The following GRIN2B variants were observed in gnomAD, a reference collection of about 807,000 sequenced individuals.
The protein encoded by GRIN2B is glutamate receptor ionotropic, NMDA 2B.
In GRIN2B, 5 loss-of-function variants were observed where a neutral mutation model predicts 114.5. The ratio of observed to expected loss-of-function variants is 0.04; its 90% CI spans 0.02 to 0.09. The LOEUF (loss-of-function observed/expected upper bound fraction) is 0.09. Ranked by LOEUF, GRIN2B falls within the 10% of genes least tolerant of loss-of-function variation. GRIN2B has a pLI of 1.00. For synonymous variants in GRIN2B, 787 were observed against 745.1 expected, an observed-to-expected ratio of 1.06 and a Z score of -0.92; for missense variants, 1,108 against 1,943.5, an observed-to-expected ratio of 0.57 and a Z score of 8.08.
rs550033150 is a variant in GRIN2B at position 13,694,680 on chromosome 12, T to C, written c.1011-18821A>G. Among the ~76,000 whole-genome samples the C allele has an allele frequency of 7.0e-4, 73 of 103,846 alleles. 3 individuals are homozygous for C. Among genetic ancestry groups the C allele is most frequent in the Admixed American group, 2.7e-3 (29 of 10,920 alleles). The allele number at this position is 103,846 out of a possible 152,430, so 68.1% of individuals were successfully genotyped here. A position where few individuals can be genotyped will look rare whatever the true frequency, so the allele number is the denominator to read the frequency against. ...TCATATATATATATATATATATATA[T>C]ATATATATATATATATATATATAAA... On this transcript the variant is annotated intron_variant, in intron 4 of 13. Transcript: ENST00000609686.
chr12:13,600,611 C>G (rs962716080), intron 10 of GRIN2B, among the ~76,000 whole-genome samples: 2 of 152,072 alleles, frequency 1.3e-5, no homozygotes, highest in Non-Finnish European at 2.9e-5. Context: ...GCCTGATGAT[C>G]AAATAAAGTA....
At position 13,549,343 on chromosome 12, in the gene GRIN2B, A is replaced by T. The variant is rs982220413; in HGVS notation, c.*13440T>A. 1 of 152,162 alleles carries T rather than the reference A, an allele frequency of 6.6e-6. No homozygotes were observed. The highest frequency in any genetic ancestry group is 1.5e-5 in the Non-Finnish European group (1 of 68,028). 9.4% of individuals were successfully genotyped at this position (152,162 alleles called of 1,614,324 possible). ...TTCTTCAGGATTTTGGCAGGCAGTA[A>T]TTATTTATTATCGGTCTGGGGGCTA... On this transcript the variant is annotated 3_prime_UTR_variant, in exon 14 of 14. Coordinates refer to ENST00000609686, the MANE Select transcript of GRIN2B (RefSeq NM_000834.5).
chr12:13,833,621 C>T (rs1367224642), intron 3 of GRIN2B, among the ~76,000 whole-genome samples: 1 of 152,182 alleles, frequency 6.6e-6, no homozygotes, highest in Non-Finnish European at 1.5e-5. Context: ...CATCATGTTG[C>T]CACCTGATAG....
intron 2 of GRIN2B, among the ~76,000 whole-genome samples, chr12:13,879,756 C>T (rs1866043436): frequency 6.6e-6 from 1 of 152,242 alleles, no homozygotes; most frequent in Non-Finnish European, 1.5e-5. Context: ...CCTCCTTGTC[C>T]ATGCCCCACT....
At position 13,555,533 on chromosome 12, in the gene GRIN2B, G is replaced by T. The variant is rs939669217; in HGVS notation, c.*7250C>A. On this transcript the variant is annotated 3_prime_UTR_variant, in exon 14 of 14. Coordinates refer to ENST00000609686, the MANE Select transcript of GRIN2B (RefSeq NM_000834.5). ...GATAGTTGCAGGTAGATGTGTGGAA[G>T]GAATTAAAGATGCAAAAGAGAGAAA... 1.3e-5 allele frequency: 2 copies of T among 152,144 alleles called. No homozygotes were observed. The highest frequency in any genetic ancestry group is 4.8e-5 in the African/African-American group (2 of 41,406). 9.4% of individuals were successfully genotyped at this position (152,144 alleles called of 1,614,324 possible). A position where few individuals can be genotyped will look rare whatever the true frequency, so the allele number is the denominator to read the frequency against.
chr12:13,570,324 T>C (rs1023810668), intron 11 of GRIN2B, among the ~76,000 whole-genome samples: 1 of 152,200 alleles, frequency 6.6e-6, no homozygotes, highest in African/African-American at 2.4e-5. Context: ...ATAAAAATAA[T>C]AACAGAAATA....
chr12:13,637,071 T>C (rs1949672385), intron 5 of GRIN2B, among the ~76,000 whole-genome samples: 2 of 152,000 alleles, frequency 1.3e-5, no homozygotes, highest in Non-Finnish European at 2.9e-5. Context: ...TATTAATGAG[T>C]AGGTGGGCAT....
chr12:13,607,545 G>C (rs866097156), intron 10 of GRIN2B, among the ~76,000 whole-genome samples: 1 of 138,004 alleles, frequency 7.2e-6, no homozygotes, highest in South Asian at 2.2e-4. Flanking sequence ...TTGATAAGTA[G>C]AGATGTAGAA....
chr12:13,739,825 AT>A (rs974940510), intron 4 of GRIN2B, among the ~76,000 whole-genome samples: 5 of 152,210 alleles, frequency 3.3e-5, no homozygotes, highest in Non-Finnish European at 5.9e-5. Context: ...TCACTAAATC[AT>A]GCTATGAAGA....
At chr12:13,567,335 A>T in intron 12 of GRIN2B, 72 bp from the exon 13 acceptor site, 1 of 1,014,456 alleles carries the variant, frequency 9.9e-7, no homozygotes, top group Non-Finnish European at 1.5e-6. Context: ...AGGGAGAAAG[A>T]GGAGTATTGA....
Position 13,564,493 on chromosome 12 carries a change from A to G in GRIN2B, c.2745T>C (p.Asn915=). Residue 915 remains asparagine (N), a synonymous_variant, in exon 14 of 14, where the codon AAT becomes AAC. Transcript: ENST00000609686. The surrounding 1 kb of genome is among the most constrained non-coding windows in gnomAD (Gnocchi z 4.8). ...AKNMANLSGV[N]GSPQSALDFI... is the part of the protein sequence containing the mutation. ...AGTCCAGGGCGCTCTGCGGTGAGCC[A>G]TTCACACCAGACAGGTTAGCCATGT... 1 of 1,614,236 alleles carries G rather than the reference A, an allele frequency of 6.2e-7. No individual in the cohort carries two copies. The highest frequency in any genetic ancestry group is 8.5e-7 in the Non-Finnish European group (1 of 1,180,036).
intron 4 of GRIN2B, among the ~76,000 whole-genome samples, chr12:13,745,307 G>T (rs915729361): frequency 6.6e-6 from 1 of 152,106 alleles, no homozygotes; most frequent in South Asian, 2.1e-4. Context: ...GGTGGGAAGA[G>T]AGAGCAGATG....
At chr12:13,783,431 G>GGTTTGGTTTTGTTTTGTTTT (rs1555139060) in intron 3 of GRIN2B, among the ~76,000 whole-genome samples, 7 of 149,750 alleles carry the variant, frequency 4.7e-5, no homozygotes, top group East Asian at 2.0e-4. Context: ...AACGGAAATA[G>GGTTTGGTTTTGTTTTGTTTT]GTTTTGTTTT....
At chr12:13,617,090 T>A (rs539631815) in intron 5 of GRIN2B, among the ~76,000 whole-genome samples, 1 of 152,116 alleles carries the variant, frequency 6.6e-6, no homozygotes, top group Non-Finnish European at 1.5e-5. Flanking sequence ...ACAAGGAGCA[T>A]GATGGTGAGA....
chr12:13,874,324 T>C (rs1591597134), intron 2 of GRIN2B, among the ~76,000 whole-genome samples: 3 of 152,242 alleles, frequency 2.0e-5, no homozygotes, highest in Non-Finnish European at 4.4e-5. Flanking sequence ...AAGTATCACT[T>C]CTACTGTCAC....
intron 3 of GRIN2B, among the ~76,000 whole-genome samples, chr12:13,840,794 T>A (rs548396158): frequency 2.0e-5 from 3 of 151,878 alleles, no homozygotes; most frequent in South Asian, 4.2e-4. Flanking sequence ...ATTCTCTGAG[T>A]TTTTTGTTGT....
At chr12:13,593,940 T>G (rs1489749658) in intron 10 of GRIN2B, among the ~76,000 whole-genome samples, 23 of 152,154 alleles carry the variant, frequency 1.5e-4, no homozygotes, top group Non-Finnish European at 2.9e-5. Flanking sequence ...TCATCACTGG[T>G]CATTAGAGAA....
chr12:13,894,366 G>T (rs1243522088), intron 2 of GRIN2B, among the ~76,000 whole-genome samples: 1 of 152,108 alleles, frequency 6.6e-6, no homozygotes, highest in African/African-American at 2.4e-5. Flanking sequence ...AGTAAATTGT[G>T]CTATAGCTTT....
At chr12:13,974,706 A>T (rs1215071624) in intron 2 of GRIN2B, among the ~76,000 whole-genome samples, 1 of 152,108 alleles carries the variant, frequency 6.6e-6, no homozygotes, top group Non-Finnish European at 1.5e-5. Flanking sequence ...TTATCTCTTT[A>T]TACATGTCCA....
Sources: gnomAD v4.1 joint callset for allele counts (sites outside exome capture counted in the v4.1 genomes callset) on GRCh38, gnomAD v4.1.1 for gene constraint, Gnocchi (gnomAD v3.1) non-coding constraint, MANE v1.5 for transcripts, NCBI Gene and HGNC (gene_info 2026-07-23, HGNC 2026-07-21) for gene names.